The following RYR2 variants were observed in gnomAD, a reference collection of about 807,000 sequenced individuals.
RYR2 encodes ryanodine receptor 2.
A neutral mutation model predicts 601.1 loss-of-function variants in RYR2; 227 were observed. The ratio of observed to expected loss-of-function variants is 0.38; its 90% CI spans 0.34 to 0.42. The LOEUF (loss-of-function observed/expected upper bound fraction) is 0.42, where lower values mean the gene tolerates loss of function less well. RYR2 is among the 10% of genes least tolerant of loss of function. The pLI, the probability that RYR2 is intolerant of heterozygous loss-of-function variation, is 1.00. For missense variants in RYR2, 4,646 were observed against 6,156.5 expected, an observed-to-expected ratio of 0.75 and a Z score of 8.21; for synonymous variants, 2,223 against 2,175.1, an observed-to-expected ratio of 1.02 and a Z score of -0.61.
At position 237,799,032 on chromosome 1, in the gene RYR2, C is replaced by A. The variant is rs533872366; in HGVS notation, c.14090+862C>A. On this transcript the variant is annotated intron_variant, in intron 97 of 104. Coordinates refer to ENST00000366574, the MANE Select transcript of RYR2 (RefSeq NM_001035.3). ...CAGTATTATTTTCTTAATCTGTTAGCTAGCATTAAAAAGATAGTTTAGCTG... is the reference window on the plus strand; with the variant it reads ...CAGTATTATTTTCTTAATCTGTTAGATAGCATTAAAAAGATAGTTTAGCTG... 4.6e-5 allele frequency among the ~76,000 whole-genome samples: 7 copies of A among 152,192 alleles called. 2 individuals are homozygous for A. Among genetic ancestry groups the A allele is most frequent in the African/African-American group, 1.7e-4 (7 of 41,534 alleles).
intron 10 of RYR2, among the ~76,000 whole-genome samples, chr1:237,411,187 CAA>C (rs151158936): frequency 6.6e-6 from 1 of 152,260 alleles, no homozygotes; most frequent in East Asian, 1.9e-4. Flanking sequence ...TGCAACCTCA[CAA>C]GAGACTCCAA....
rs1205065915 is a variant in RYR2 at position 237,180,847 on chromosome 1, AGT to A, written c.49-89649_49-89648del. Among the ~76,000 whole-genome samples, 5 of 148,020 alleles carry A rather than the reference AGT, an allele frequency of 3.4e-5. No individual in the cohort carries two copies. Among genetic ancestry groups the A allele is most frequent in the Non-Finnish European group, 5.9e-5 (4 of 67,246 alleles). ...TGTAAATATATATCAATATTAATAA[AGT>A]ATATATTTATACTAATTAAATATAT... On this transcript the variant is annotated intron_variant, in intron 1 of 104. Coordinates refer to ENST00000366574, the MANE Select transcript of RYR2 (RefSeq NM_001035.3). This position sits in a 1 kb window ranked among gnomAD's most constrained non-coding sequence, Gnocchi z 5.3.
Position 237,631,549 on chromosome 1 carries a change from C to CT in RYR2, c.6555+11dup, listed in dbSNP as rs1559140858. ...GGAGGTGGAGAGTCCAAGGTAACGT[C>CT]TTTGATTCCTGAGATGCTATTTAGT... is the stretch of plus-strand genomic sequence containing the variant. On this transcript the variant is annotated intron_variant, in intron 42 of 104. Transcript: ENST00000366574. 6.9e-7 allele frequency: 1 copy of CT among 1,446,994 alleles called. No homozygotes were observed. The highest frequency in any genetic ancestry group is 1.2e-5 in the South Asian group (1 of 84,834). The allele number at this position is 1,446,994 out of a possible 1,614,324, so 89.6% of individuals were successfully genotyped here.
At chr1:237,318,186 A>G (rs185131380) in intron 2 of RYR2, among the ~76,000 whole-genome samples, 2 of 152,182 alleles carry the variant, frequency 1.3e-5, no homozygotes, top group African/African-American at 4.8e-5. Context: ...TTCACAGTCT[A>G]CTTCAGAATA....
intron 97 of RYR2, among the ~76,000 whole-genome samples, chr1:237,798,776 TCACACACACACACA>T (rs72164792): frequency 1.5e-5 from 2 of 135,210 alleles, no homozygotes; most frequent in Non-Finnish European, 3.3e-5. Flanking sequence ...AATTTAAATG[TCACACACACACACA>T]CACACACACA....
chr1:237,828,903 AGAG>A (rs1663456897), intron 102 of RYR2, among the ~76,000 whole-genome samples: 3 of 152,076 alleles, frequency 2.0e-5, no homozygotes, highest in Admixed American at 1.3e-4. Context: ...TGATAAGGAG[AGAG>A]GAGGACAGTT....
chr1:237,480,146 T>G (rs1661874144), intron 17 of RYR2, among the ~76,000 whole-genome samples: 1 of 151,980 alleles, frequency 6.6e-6, no homozygotes, highest in Non-Finnish European at 1.5e-5. Context: ...TGGCGGGGCA[T>G]GGTGGCTCAT....
At chr1:237,154,222 G>A (rs1157084446) in intron 1 of RYR2, among the ~76,000 whole-genome samples, 5 of 152,078 alleles carry the variant, frequency 3.3e-5, no homozygotes, top group South Asian at 2.1e-4. Context: ...TTAGATTTAC[G>A]TTTCCAAACA....
Position 237,375,889 on chromosome 1 carries a change from A to T in RYR2, c.463+1094A>T, listed in dbSNP as rs149314026. On this transcript the variant is annotated intron_variant, in intron 7 of 104. Transcript: ENST00000366574. The stretch of plus-strand genomic sequence containing the variant: ...TCATACATTGAGAAGATTATGTAAT[A>T]GTCAAAACAAAACAAGTCAGTGTTT... 2.5e-4 allele frequency among the ~76,000 whole-genome samples: 38 copies of T among 152,352 alleles called. No homozygotes were observed. In the East Asian group the frequency reaches 7.3e-3, roughly 29 times the overall value.
At chr1:237,224,621 G>A (rs1207112103) in intron 1 of RYR2, among the ~76,000 whole-genome samples, 1 of 152,132 alleles carries the variant, frequency 6.6e-6, no homozygotes, top group Non-Finnish European at 1.5e-5. Flanking sequence ...ACTGTGGGAG[G>A]CCGAGGCAGG....
rs1458893361 is a variant in RYR2 at position 237,617,531 on chromosome 1, A to T, written c.5916+45A>T. ...ATTCTTCGTATTTATGTTGGCTTTT[A>T]GTCATTCAGGATCTCTGCCTTGCAA... On this transcript the variant is annotated intron_variant, in intron 38 of 104. Coordinates refer to ENST00000366574, the MANE Select transcript of RYR2 (RefSeq NM_001035.3). The T allele has an allele frequency of 2.5e-6, 4 of 1,583,830 alleles. No homozygotes were observed. In the African/African-American group the frequency reaches 5.4e-5, roughly 21 times the overall value.
intron 1 of RYR2, among the ~76,000 whole-genome samples, chr1:237,054,668 C>T (rs1661751053): frequency 6.6e-6 from 1 of 152,102 alleles, no homozygotes; most frequent in South Asian, 2.1e-4. Context: ...TGCTGTGATA[C>T]CACACTGGTT....
intron 1 of RYR2, among the ~76,000 whole-genome samples, chr1:237,095,902 G>A (rs550945233): frequency 1.3e-5 from 2 of 152,308 alleles, no homozygotes; most frequent in South Asian, 4.1e-4. Context: ...CTTGAAGTCT[G>A]GGCATTCCAG....
intron 7 of RYR2, among the ~76,000 whole-genome samples, chr1:237,376,791 A>G (rs140391825): frequency 6.6e-6 from 1 of 152,330 alleles, no homozygotes; most frequent in African/African-American, 2.4e-5. Context: ...AAAACACCAC[A>G]TTTTAAAATA....
intron 10 of RYR2, 34 bp from the exon 11 acceptor site, chr1:237,417,015 T>A: frequency 6.3e-7 from 1 of 1,595,958 alleles, no homozygotes; most frequent in Non-Finnish European, 8.6e-7. Context: ...CATGTTTAAC[T>A]CACATTTGGG....
chr1:237,404,407 A>G (rs1330776810), intron 10 of RYR2, among the ~76,000 whole-genome samples: 1 of 152,250 alleles, frequency 6.6e-6, no homozygotes, highest in Admixed American at 6.5e-5. Context: ...AAGAATACAT[A>G]TTGTAATCTG....
In RYR2 at chr1:237,830,498, C is replaced by T. The variant is rs76289511; in HGVS notation, c.14656-32C>T. Reference sequence around the variant, plus strand: ...TTTTCCTTTTGTTTTGCTTTCTGAACTCTGACGTTAATATTTCCCTTTGTT... The same window carrying T: ...TTTTCCTTTTGTTTTGCTTTCTGAATTCTGACGTTAATATTTCCCTTTGTT... On this transcript the variant is annotated intron_variant, in intron 102 of 104. Transcript: ENST00000366574. The T allele has an allele frequency of 3.0e-3, 3,985 of 1,339,068 alleles. 13 individuals are homozygous for T. Among genetic ancestry groups the T allele is most frequent in the Middle Eastern group, 7.0e-3 (39 of 5,544 alleles). 82.9% of individuals were successfully genotyped at this position (1,339,068 alleles called of 1,614,324 possible).
intron 2 of RYR2, among the ~76,000 whole-genome samples, chr1:237,311,122 T>C (rs1304684984): frequency 3.3e-5 from 5 of 152,212 alleles, no homozygotes. Context: ...TGGTTCTATC[T>C]GAATTCACTC....
chr1:237,427,779 C>A lies in RYR2; in HGVS notation c.1005+4531C>A, dbSNP rs1266644641. Reference sequence around the variant, plus strand: ...GCCTGGGCAACAGAGCAAGACTCTGCCTCAAAAAAAAAAAAAAAAAAAAAA... The same window carrying A: ...GCCTGGGCAACAGAGCAAGACTCTGACTCAAAAAAAAAAAAAAAAAAAAAA... On this transcript the variant is annotated intron_variant, in intron 12 of 104. Transcript: ENST00000366574. Among the ~76,000 whole-genome samples, 7 of 76,996 alleles carry A rather than the reference C, an allele frequency of 9.1e-5. No homozygotes were observed. The East Asian group carries it at 2.3e-3, about 25-fold the overall frequency. 50.5% of individuals were successfully genotyped at this position (76,996 alleles called of 152,430 possible). A position where few individuals can be genotyped will look rare whatever the true frequency, so the allele number is the denominator to read the frequency against.
Sources: allele counts gnomAD v4.1 joint callset (sites outside exome capture counted in the v4.1 genomes callset), GRCh38; gene constraint gnomAD v4.1.1; non-coding constraint Gnocchi (gnomAD v3.1); transcripts MANE v1.5; gene names NCBI Gene and HGNC (gene_info 2026-07-23, HGNC 2026-07-21).